The following NXPH1 variants were observed in gnomAD, a reference collection of about 807,000 sequenced individuals.
NXPH1 encodes neurexophilin-1.
In NXPH1, 5 loss-of-function variants were observed where a neutral mutation model predicts 23.7. The ratio of observed to expected loss-of-function variants is 0.21; its 90% confidence interval spans 0.11 to 0.44. NXPH1 has a LOEUF of 0.44. Ranked by LOEUF, NXPH1 falls within the 20% of genes least tolerant of loss-of-function variation. NXPH1 has a pLI of 0.99. For missense variants in NXPH1, 324 were observed against 321.6 expected, an observed-to-expected ratio of 1.01 and a Z score of -0.06; for synonymous variants, 144 against 122.2, an observed-to-expected ratio of 1.18 and a Z score of -1.18.
At chr7:8,487,532 G>A in intron 2 of NXPH1, among the ~76,000 whole-genome samples, 1 of 152,044 alleles carries the variant, frequency 6.6e-6, no homozygotes, top group East Asian at 1.9e-4. Flanking sequence ...GCAGCAGTGG[G>A]AACAGACTAA....
chr7:8,670,836 G>A (rs565688004), intron 2 of NXPH1, among the ~76,000 whole-genome samples: 42 of 152,290 alleles, frequency 2.8e-4, no homozygotes, highest in African/African-American at 9.9e-4. Context: ...TCAAGGATTT[G>A]TGGTCTGGAA....
In NXPH1 at chr7:8,440,742, T is replaced by G. The variant is rs529652843; in HGVS notation, c.54+4975T>G. On this transcript the variant is annotated intron_variant, in intron 2 of 2. Coordinates refer to ENST00000405863, the MANE Select transcript of NXPH1 (RefSeq NM_152745.3). ...AATAAGAAATTTTCTGCCCTGAGCTTCTTTGATTTTATAGGGGGTGGGGAG... is the reference window on the plus strand; with the variant it reads ...AATAAGAAATTTTCTGCCCTGAGCTGCTTTGATTTTATAGGGGGTGGGGAG... Among the ~76,000 whole-genome samples, 8 of 152,042 alleles carry G rather than the reference T, an allele frequency of 5.3e-5. No homozygotes were observed. The South Asian group carries it at 1.5e-3, about 28-fold the overall frequency.
At chr7:8,551,633 A>C (rs575762454) in intron 2 of NXPH1, among the ~76,000 whole-genome samples, 2 of 151,638 alleles carry the variant, frequency 1.3e-5, no homozygotes, top group South Asian at 4.1e-4. Flanking sequence ...ATTTTGGAAG[A>C]AGGGAAATGC....
Position 8,750,947 on chromosome 7 carries a change from T to C in NXPH1, c.55-61T>C, listed in dbSNP as rs939140742. 4 of 1,492,968 alleles carry C rather than the reference T, an allele frequency of 2.7e-6. No homozygotes were observed. The African/African-American group carries it at 5.5e-5, about 21-fold the overall frequency. 92.5% of individuals were successfully genotyped at this position (1,492,968 alleles called of 1,614,324 possible). On this transcript the variant is annotated intron_variant, in intron 2 of 2. Transcript: ENST00000405863. ...GAGACTCAGAGAAGGCTTAGATCTA[T>C]GCATTGGGTGTTATTCTCAGATGCA...
chr7:8,741,153 C>T (rs1451978666), intron 2 of NXPH1, among the ~76,000 whole-genome samples: 2 of 152,138 alleles, frequency 1.3e-5, no homozygotes, highest in South Asian at 2.1e-4. Context: ...GTATTTGTTT[C>T]TGTCTAGCTT....
In NXPH1 at chr7:8,435,532, C is replaced by A; in HGVS notation, c.-110-72C>A. 1 of 597,600 alleles carries A rather than the reference C, an allele frequency of 1.7e-6. No individual in the cohort carries two copies. The highest frequency in any genetic ancestry group is 3.0e-6 in the Non-Finnish European group (1 of 330,712). 37.0% of individuals were successfully genotyped at this position (597,600 alleles called of 1,614,324 possible). On this transcript the variant is annotated intron_variant, in intron 1 of 2. Transcript: ENST00000405863. The surrounding 1 kb of genome is among the most constrained non-coding windows in gnomAD (Gnocchi z 5.9). The stretch of plus-strand genomic sequence containing the variant: ...GTCCCCCACTCCCCGCTACGACCCC[C>A]TTTCCCCGCTTGATTGTCAAGCCTA...
intron 2 of NXPH1, among the ~76,000 whole-genome samples, chr7:8,586,344 A>G (rs773122892): frequency 1.3e-5 from 2 of 152,232 alleles, no homozygotes; most frequent in African/African-American, 2.4e-5. Context: ...AAGAGTAGGG[A>G]GTTTAGTATG....
chr7:8,594,302 T>C (rs1463176436), intron 2 of NXPH1, among the ~76,000 whole-genome samples: 1 of 152,036 alleles, frequency 6.6e-6, no homozygotes, highest in Admixed American at 6.6e-5. Context: ...GGTAGAAACA[T>C]GAAAGGGCCG....
chr7:8,602,905 C>T (rs556752390), intron 2 of NXPH1, among the ~76,000 whole-genome samples: 10 of 152,080 alleles, frequency 6.6e-5, no homozygotes, highest in South Asian at 2.1e-4. Flanking sequence ...TTTGGCTTTC[C>T]GCAACCTCTG....
chr7:8,487,513 G>A (rs774249324), intron 2 of NXPH1, among the ~76,000 whole-genome samples: 3 of 152,124 alleles, frequency 2.0e-5, no homozygotes, highest in Non-Finnish European at 1.5e-5. Context: ...TCATGGGTAT[G>A]TCTTTATTGC....
intron 2 of NXPH1, among the ~76,000 whole-genome samples, chr7:8,678,928 ATTTT>A (rs540056222): frequency 1.8e-3 from 126 of 68,676 alleles, no homozygotes; most frequent in African/African-American, 6.6e-3. Context: ...GCTTTATCCA[ATTTT>A]TTTTTTTTTT....
intron 2 of NXPH1, among the ~76,000 whole-genome samples, chr7:8,706,274 G>A (rs1057240796): frequency 1.7e-4 from 26 of 152,156 alleles, no homozygotes; most frequent in Admixed American, 9.8e-4. Context: ...ATTTGATTGG[G>A]CATGTGTGCA....
intron 2 of NXPH1, among the ~76,000 whole-genome samples, chr7:8,679,270 C>T (rs73068834): frequency 6.6e-6 from 1 of 152,022 alleles, no homozygotes; most frequent in Non-Finnish European, 1.5e-5. Context: ...TCTTATTGGC[C>T]CCTAACATTT....
chr7:8,527,337 C>G (rs1293301808), intron 2 of NXPH1, among the ~76,000 whole-genome samples: 1 of 152,190 alleles, frequency 6.6e-6, no homozygotes. Context: ...GATGGCTGGA[C>G]AGTAGGCAGA....
intron 2 of NXPH1, among the ~76,000 whole-genome samples, chr7:8,542,405 G>T (rs1168018849): frequency 1.3e-5 from 2 of 151,412 alleles, no homozygotes; most frequent in Non-Finnish European, 3.0e-5. Flanking sequence ...CTCAGTAATT[G>T]ATAGAACAAG....
At chr7:8,722,176 T>A (rs543175815) in intron 2 of NXPH1, among the ~76,000 whole-genome samples, 79 of 152,310 alleles carry the variant, frequency 5.2e-4, no homozygotes, top group African/African-American at 1.3e-3. Flanking sequence ...AATAATTTTT[T>A]AAAAATTTTA....
chr7:8,541,755 T>A (rs1206470689), intron 2 of NXPH1, among the ~76,000 whole-genome samples: 1 of 151,588 alleles, frequency 6.6e-6, no homozygotes, highest in Non-Finnish European at 1.5e-5. Flanking sequence ...TATATTAATA[T>A]AAGGTTTTTA....
At chr7:8,441,369 C>T (rs1816295434) in intron 2 of NXPH1, among the ~76,000 whole-genome samples, 1 of 152,142 alleles carries the variant, frequency 6.6e-6, no homozygotes, top group African/African-American at 2.4e-5. Flanking sequence ...TGGATGTCAG[C>T]ACTAACCCCC....
At chr7:8,462,115 C>A (rs2128606988) in intron 2 of NXPH1, among the ~76,000 whole-genome samples, 1 of 152,216 alleles carries the variant, frequency 6.6e-6, no homozygotes, top group South Asian at 2.1e-4. Flanking sequence ...GTGGCGTGAT[C>A]TCGGCTCACA....
Sources: gnomAD v4.1 joint callset for allele counts (sites outside exome capture counted in the v4.1 genomes callset) on GRCh38, gnomAD v4.1.1 for gene constraint, Gnocchi (gnomAD v3.1) non-coding constraint, MANE v1.5 for transcripts, NCBI Gene and HGNC (gene_info 2026-07-23, HGNC 2026-07-21) for gene names.